The following CAMKMT variants were observed in gnomAD, a reference collection of about 807,000 sequenced individuals.
CAMKMT encodes calmodulin-lysine N-methyltransferase.
Under a neutral mutation model 48.0 loss-of-function variants are expected in CAMKMT, and 53 were observed. The ratio of observed to expected loss-of-function variants is 1.10; its 90% CI spans 0.89 to 1.39. CAMKMT has a LOEUF of 1.39. Ranked by LOEUF, CAMKMT falls within the 40% of genes most tolerant of loss-of-function variation. CAMKMT has a pLI of 0.00. For missense variants in CAMKMT, 428 were observed against 402.7 expected (o/e 1.06, Z -0.54); for synonymous variants, 165 against 152.3 (o/e 1.08, Z -0.61).
chr2:44,444,663 T>C (rs1187999190), intron 3 of CAMKMT, among the ~76,000 whole-genome samples: 1 of 152,134 alleles, frequency 6.6e-6, no homozygotes. Flanking sequence ...AAAATCTGGA[T>C]TAATATTCTA....
At chr2:44,391,972 A>T (rs1681385864) in intron 3 of CAMKMT, 1 of 152,566 alleles carries the variant, frequency 6.6e-6, no homozygotes, top group Admixed American at 6.5e-5. Context: ...ATCTCTATGA[A>T]CCTCAACTGT....
intron 1 of CAMKMT, among the ~76,000 whole-genome samples, chr2:44,363,536 C>A (rs1007040200): frequency 2.2e-4 from 33 of 151,736 alleles, no homozygotes; most frequent in Admixed American, 6.6e-5. Flanking sequence ...CACCACCACG[C>A]CTGGCTAATT....
At chr2:44,416,630 A>G (rs1419176858) in intron 3 of CAMKMT, among the ~76,000 whole-genome samples, 1 of 133,622 alleles carries the variant, frequency 7.5e-6, no homozygotes, top group South Asian at 2.3e-4. Context: ...CTGGAGTGCA[A>G]TGGTGTGATC....
intron 3 of CAMKMT, among the ~76,000 whole-genome samples, chr2:44,580,706 A>C (rs551054787): frequency 5.9e-5 from 9 of 152,312 alleles, no homozygotes; most frequent in African/African-American, 2.2e-4. Context: ...TTAAACCTAT[A>C]ATAACAGTGC....
intron 2 of CAMKMT, among the ~76,000 whole-genome samples, chr2:44,380,851 A>C (rs1177642047): frequency 6.6e-6 from 1 of 152,094 alleles, no homozygotes. Context: ...TATGGTAAGC[A>C]TTCTGTTTCT....
intron 3 of CAMKMT, among the ~76,000 whole-genome samples, chr2:44,606,592 T>G: frequency 6.6e-6 from 1 of 152,210 alleles, no homozygotes; most frequent in South Asian, 2.1e-4. Context: ...ATCCAGCTTT[T>G]TATTATTTAA....
chr2:44,476,607 G>T (rs867367869), intron 3 of CAMKMT, among the ~76,000 whole-genome samples: 2 of 151,402 alleles, frequency 1.3e-5, no homozygotes, highest in East Asian at 3.9e-4. Flanking sequence ...AACTTTATAT[G>T]TTTGTGAGAT....
In CAMKMT at chr2:44,401,898, T is replaced by A. The variant is rs553265575; in HGVS notation, c.376+11593T>A. The stretch of plus-strand genomic sequence containing the variant: ...AGGATTCATTTCATTTCTTTTGTTT[T>A]GTATCTCGTTCTAAATTCCATGGCT... On this transcript the variant is annotated intron_variant, in intron 3 of 10. Coordinates refer to ENST00000378494, the MANE Select transcript of CAMKMT (RefSeq NM_024766.5). Among the ~76,000 whole-genome samples, 15 of 152,334 alleles carry A rather than the reference T, an allele frequency of 9.8e-5. No homozygotes were observed. The South Asian group carries it at 2.9e-3, about 29-fold the overall frequency.
rs78880852 is a variant in CAMKMT, at chr2:44,410,743, T to C, written c.376+20438T>C. 3.3e-4 allele frequency among the ~76,000 whole-genome samples: 50 copies of C among 152,304 alleles called. No individual in the cohort carries two copies. In the East Asian group the frequency reaches 6.7e-3, roughly 21 times the overall value. ...ACTTCATTAACAAGTGAAGGATTGC[T>C]GAAGCAAAGAGTAATTGTCTGATAC... On this transcript the variant is annotated intron_variant, in intron 3 of 10. Coordinates refer to ENST00000378494, the MANE Select transcript of CAMKMT (RefSeq NM_024766.5).
chr2:44,766,725 T>C (rs1205894676), intron 10 of CAMKMT, among the ~76,000 whole-genome samples, 164 bp downstream of exon 10: 1 of 152,078 alleles, frequency 6.6e-6, no homozygotes, highest in Non-Finnish European at 1.5e-5. Flanking sequence ...TAAAGCCATC[T>C]TTTATCTTTG....
intron 9 of CAMKMT, among the ~76,000 whole-genome samples, chr2:44,759,604 G>C (rs1680527226): frequency 6.6e-6 from 1 of 152,122 alleles, no homozygotes; most frequent in Non-Finnish European, 1.5e-5. Flanking sequence ...CTGAGTCAGA[G>C]ACCCAGCGAC....
chr2:44,663,981 G>A (rs1992152), intron 3 of CAMKMT, among the ~76,000 whole-genome samples: 152 of 152,254 alleles, frequency 1.0e-3, no homozygotes, highest in African/African-American at 3.4e-3. Flanking sequence ...GGAGTGATGG[G>A]GGAGGTACAG....
Position 44,383,819 on chromosome 2 carries a change from G to T in CAMKMT, c.312-6422G>T, listed in dbSNP as rs910730428. Among the ~76,000 whole-genome samples the T allele has an allele frequency of 2.6e-5, 4 of 152,128 alleles. No individual in the cohort carries two copies. In the East Asian group the frequency reaches 7.7e-4, roughly 29 times the overall value. ...GCAAATGCCCTTAATTCATTCCTTT[G>T]TGTAGTATTCCATTGTATATATATA... On this transcript the variant is annotated intron_variant, in intron 2 of 10. Coordinates refer to ENST00000378494, the MANE Select transcript of CAMKMT (RefSeq NM_024766.5).
chr2:44,511,401 G>A (rs1415833789), intron 3 of CAMKMT, among the ~76,000 whole-genome samples: 2 of 152,178 alleles, frequency 1.3e-5, no homozygotes, highest in African/African-American at 4.8e-5. Context: ...CAATTCTCAT[G>A]CCTCAGCTAC....
At chr2:44,504,128 C>G (rs1170889009) in intron 3 of CAMKMT, among the ~76,000 whole-genome samples, 2 of 152,042 alleles carry the variant, frequency 1.3e-5, no homozygotes, top group African/African-American at 2.4e-5. Context: ...GCCCTATCTT[C>G]AAATACCATC....
At chr2:44,500,605 A>G (rs972797792) in intron 3 of CAMKMT, among the ~76,000 whole-genome samples, 2 of 151,946 alleles carry the variant, frequency 1.3e-5, no homozygotes, top group Non-Finnish European at 2.9e-5. Context: ...GTTAAATTCT[A>G]TGAATTTATT....
chr2:44,569,987 T>C (rs534146512), intron 3 of CAMKMT, among the ~76,000 whole-genome samples: 1 of 152,312 alleles, frequency 6.6e-6, no homozygotes, highest in South Asian at 2.1e-4. Context: ...GGATATTAAC[T>C]TAGCCTTTTT....
chr2:44,698,634 A>G (rs1677095121), intron 3 of CAMKMT, among the ~76,000 whole-genome samples: 1 of 152,226 alleles, frequency 6.6e-6, no homozygotes, highest in African/African-American at 2.4e-5. Context: ...TTGCTGGCAG[A>G]GGGTCTTGCC....
intron 3 of CAMKMT, among the ~76,000 whole-genome samples, chr2:44,552,159 T>G (rs910877804): frequency 2.6e-5 from 4 of 152,100 alleles, no homozygotes; most frequent in African/African-American, 9.7e-5. Context: ...GTCTCCAGTG[T>G]CTATTATTCC....
Sources: gnomAD v4.1 joint callset for allele counts (sites outside exome capture counted in the v4.1 genomes callset) on GRCh38, gnomAD v4.1.1 for gene constraint, MANE v1.5 for transcripts, NCBI Gene and HGNC (gene_info 2026-07-23, HGNC 2026-07-21) for gene names.